DOK6: variants seen among roughly 807,000 people sequenced by gnomAD.
DOK6 encodes the protein downstream of tyrosine kinase 6.
In DOK6, 22 loss-of-function variants were observed where a neutral mutation model predicts 44.0. The ratio of observed to expected loss-of-function variants is 0.50; its 90% CI spans 0.36 to 0.71. The LOEUF is 0.71. DOK6 is among the 30% of genes least tolerant of loss of function. DOK6 has a pLI of 0.00. For synonymous variants in DOK6, 166 were observed against 145.5 expected, an observed-to-expected ratio of 1.14 and a Z score of -1.01; for missense variants, 340 against 416.4, an observed-to-expected ratio of 0.82 and a Z score of 1.60.
At position 69,542,002 on chromosome 18, in the gene DOK6, T is replaced by C. The variant is rs1982281708; in HGVS notation, c.67-22485T>C. 1.3e-5 allele frequency among the ~76,000 whole-genome samples: 2 copies of C among 151,276 alleles called. 1 individual carries two copies. The highest frequency in any genetic ancestry group is 3.0e-5 in the Non-Finnish European group (2 of 67,682). On this transcript the variant is annotated intron_variant, in intron 1 of 7. Coordinates refer to ENST00000382713, the MANE Select transcript of DOK6 (RefSeq NM_152721.6). The stretch of plus-strand genomic sequence containing the variant: ...GTAGTTGTGAGTCCCTAGAGCTTAG[T>C]TTGAGTAAAAAGAAGTGGAAGTTAG...
At chr18:69,487,911 G>A (rs1980628525) in intron 1 of DOK6, among the ~76,000 whole-genome samples, 1 of 152,140 alleles carries the variant, frequency 6.6e-6, no homozygotes, top group African/African-American at 2.4e-5. Context: ...GGTTCTCTGA[G>A]GGTCCCAAAC....
intron 2 of DOK6, among the ~76,000 whole-genome samples, chr18:69,579,543 G>C (rs1165868210): frequency 6.6e-6 from 1 of 150,704 alleles, no homozygotes; most frequent in African/African-American, 2.4e-5. Flanking sequence ...CCAACTCTCC[G>C]AAGGTGGGCC....
chr18:69,737,729 G>T (rs1346457174), intron 5 of DOK6, among the ~76,000 whole-genome samples: 1 of 152,142 alleles, frequency 6.6e-6, no homozygotes, highest in Non-Finnish European at 1.5e-5. Flanking sequence ...AATCCCTCCT[G>T]TAAGCATGCA....
intron 2 of DOK6, among the ~76,000 whole-genome samples, chr18:69,595,263 G>A (rs545408364): frequency 7.7e-4 from 118 of 152,276 alleles, no homozygotes; most frequent in African/African-American, 2.7e-3. Context: ...GCTAATCTAA[G>A]CACAACAGTT....
At chr18:69,784,701 G>T (rs1285846625) in intron 7 of DOK6, among the ~76,000 whole-genome samples, 1 of 151,946 alleles carries the variant, frequency 6.6e-6, no homozygotes, top group Non-Finnish European at 1.5e-5. Flanking sequence ...TGGCAATGTA[G>T]TTATTCCATA....
intron 1 of DOK6, among the ~76,000 whole-genome samples, chr18:69,514,872 T>C (rs1427418315): frequency 1.3e-5 from 2 of 151,734 alleles, no homozygotes; most frequent in Non-Finnish European, 1.5e-5. Context: ...ATGCTTGCTA[T>C]GGGCTTTGCA....
chr18:69,460,896 C>T (rs1327001218), intron 1 of DOK6, among the ~76,000 whole-genome samples: 2 of 152,144 alleles, frequency 1.3e-5, no homozygotes, highest in African/African-American at 4.8e-5. Flanking sequence ...ACACTTTCTG[C>T]TTCATACTTG....
intron 5 of DOK6, among the ~76,000 whole-genome samples, chr18:69,705,905 C>T (rs1986621580): frequency 7.7e-6 from 1 of 130,058 alleles, no homozygotes; most frequent in Non-Finnish European, 1.7e-5. Context: ...GAAATCTTCT[C>T]CATAAATGTG....
chr18:69,555,039 G>T (rs573101711), intron 1 of DOK6, among the ~76,000 whole-genome samples: 1 of 152,200 alleles, frequency 6.6e-6, no homozygotes, highest in Non-Finnish European at 1.5e-5. Context: ...AGTTACGTGT[G>T]TGGCAAGTAT....
intron 7 of DOK6, among the ~76,000 whole-genome samples, chr18:69,834,507 C>T (rs1211340627): frequency 6.6e-6 from 1 of 152,014 alleles, no homozygotes. Flanking sequence ...TTGTATTTTT[C>T]AAATTAGCTA....
intron 7 of DOK6, among the ~76,000 whole-genome samples, chr18:69,774,795 G>A (rs2144769484): frequency 6.6e-6 from 1 of 152,016 alleles, no homozygotes; most frequent in South Asian, 2.1e-4. Flanking sequence ...TGGGGATGAG[G>A]TAAATATACA....
chr18:69,570,864 G>GA (rs1179203606), intron 2 of DOK6, among the ~76,000 whole-genome samples: 3 of 151,950 alleles, frequency 2.0e-5, no homozygotes, highest in East Asian at 3.8e-4. Context: ...AGATTAAGAA[G>GA]AAAAAACACC....
At chr18:69,659,080 T>G (rs1985442387) in intron 3 of DOK6, among the ~76,000 whole-genome samples, 1 of 152,226 alleles carries the variant, frequency 6.6e-6, no homozygotes, top group African/African-American at 2.4e-5. Flanking sequence ...AGTAGAACAA[T>G]ATAAACATTT....
chr18:69,838,750 T>C (rs1422793819), intron 7 of DOK6, among the ~76,000 whole-genome samples: 1 of 151,728 alleles, frequency 6.6e-6, no homozygotes, highest in East Asian at 1.9e-4. Context: ...AACTACTCCC[T>C]TAAAATCTCC....
At chr18:69,502,358 A>G (rs1348668187) in intron 1 of DOK6, among the ~76,000 whole-genome samples, 1 of 152,054 alleles carries the variant, frequency 6.6e-6, no homozygotes, top group African/African-American at 2.4e-5. Flanking sequence ...GTGGAGAGAG[A>G]CACTGTGGGC....
chr18:69,781,362 G>A (rs1980261625), intron 7 of DOK6: 1 of 152,052 alleles, frequency 6.6e-6, no homozygotes, highest in Non-Finnish European at 1.5e-5. Flanking sequence ...TCTGTTCATG[G>A]ATACTTCTAC....
At chr18:69,700,049 G>A (rs1256655183) in intron 5 of DOK6, among the ~76,000 whole-genome samples, 1 of 151,886 alleles carries the variant, frequency 6.6e-6, no homozygotes, top group African/African-American at 2.4e-5. Context: ...GATCTCGTGA[G>A]ACTTATTAAC....
chr18:69,562,406 GC>G (rs1982857319), intron 1 of DOK6, among the ~76,000 whole-genome samples: 1 of 151,984 alleles, frequency 6.6e-6, no homozygotes. Flanking sequence ...CTGTTTTAGT[GC>G]CAGTACCATG....
chr18:69,825,198 C>CT (rs1490214752), intron 7 of DOK6, among the ~76,000 whole-genome samples: 1 of 152,076 alleles, frequency 6.6e-6, no homozygotes, highest in African/African-American at 2.4e-5. Context: ...TAAACTGTTT[C>CT]TGTCTTTGAT....
Sources: allele counts gnomAD v4.1 joint callset (sites outside exome capture counted in the v4.1 genomes callset), GRCh38; gene constraint gnomAD v4.1.1; transcripts MANE v1.5; gene names NCBI Gene and HGNC (gene_info 2026-07-23, HGNC 2026-07-21).